The following CDKN2B-AS1 variants were observed in gnomAD, a reference collection of about 807,000 sequenced individuals.
CDKN2B-AS1 encodes the protein CDKN2B and CDKN2A antisense cis and trans regulatory RNA 1.
intron 4 of CDKN2B-AS1, among the ~76,000 whole-genome samples, chr9:22,126,485 G>A (rs1374743332): frequency 2.0e-5 from 3 of 151,718 alleles, no homozygotes; most frequent in African/African-American, 7.3e-5. Flanking sequence ...TTAGTTGAGA[G>A]CAAAGTTTGC....
At chr9:22,097,861 G>A (rs1825338048) in intron 4 of CDKN2B-AS1, among the ~76,000 whole-genome samples, 3 of 152,114 alleles carry the variant, frequency 2.0e-5, no homozygotes, top group African/African-American at 7.2e-5. Flanking sequence ...TTTGACCCTG[G>A]CCTGATATAA....
At chr9:22,050,706 T>C (rs1212368595) in intron 3 of CDKN2B-AS1, among the ~76,000 whole-genome samples, 1 of 152,206 alleles carries the variant, frequency 6.6e-6, no homozygotes, top group Admixed American at 6.5e-5. Flanking sequence ...AATCATTTTC[T>C]AATAACCACC....
chr9:22,068,461 G>A (rs1484083192), intron 4 of CDKN2B-AS1, among the ~76,000 whole-genome samples: 1 of 152,164 alleles, frequency 6.6e-6, no homozygotes, highest in Non-Finnish European at 1.5e-5. Flanking sequence ...AGGGAGTCAG[G>A]CGGAGAAGAA....
chr9:22,025,081 C>A lies in CDKN2B-AS1; in HGVS notation n.30-21670C>A, dbSNP rs191509787. 3.3e-5 allele frequency among the ~76,000 whole-genome samples: 5 copies of A among 152,344 alleles called. No homozygotes were observed. In the East Asian group the frequency reaches 9.7e-4, roughly 29 times the overall value. ...CCCTGTCCATGCACTGCTGTAGACA[C>A]TCCTGCACTAAACCCTCTGGGCTCC... On this transcript the variant is annotated intron_variant and non_coding_transcript_variant, in intron 1 of 4. Coordinates refer to ENST00000650946, the Ensembl canonical transcript of CDKN2B-AS1.
chr9:22,032,710 G>C (rs759159725), intron 1 of CDKN2B-AS1: 1 of 151,444 alleles, frequency 6.6e-6, no homozygotes, highest in African/African-American at 2.4e-5. Flanking sequence ...AATACCACTT[G>C]CTGTCTTGGA....
chr9:22,126,334 T>G (rs926553190), intron 4 of CDKN2B-AS1, among the ~76,000 whole-genome samples: 29 of 152,090 alleles, frequency 1.9e-4, no homozygotes, highest in African/African-American at 7.0e-4. Flanking sequence ...AAATGAGAGG[T>G]CTATCATAGG....
At chr9:22,126,266 T>A (rs1311068082) in intron 4 of CDKN2B-AS1, among the ~76,000 whole-genome samples, 1 of 152,210 alleles carries the variant, frequency 6.6e-6, no homozygotes, top group Admixed American at 6.5e-5. Flanking sequence ...TCCATATTCA[T>A]GATGAATATG....
At chr9:22,118,345 C>G (rs1196141553) in intron 4 of CDKN2B-AS1, 1 of 152,198 alleles carries the variant, frequency 6.6e-6, no homozygotes, top group Non-Finnish European at 1.5e-5. Context: ...CCACTCCACT[C>G]CCTCTCAACA....
At chr9:22,107,615 C>G (rs1474753890) in intron 4 of CDKN2B-AS1, among the ~76,000 whole-genome samples, 1 of 152,158 alleles carries the variant, frequency 6.6e-6, no homozygotes, top group Admixed American at 6.5e-5. Context: ...CATCAGGGGC[C>G]TTGGAGCGGA....
At chr9:22,081,691 C>G (rs1279791339) in intron 4 of CDKN2B-AS1, among the ~76,000 whole-genome samples, 1 of 152,200 alleles carries the variant, frequency 6.6e-6, no homozygotes, top group Admixed American at 6.5e-5. Context: ...GCCTAGGAAG[C>G]TTGTCTATTA....
chr9:22,005,938 AAATTGGGT>A lies in CDKN2B-AS1; in HGVS notation n.29+10780_29+10787del. On this transcript the variant is annotated intron_variant and non_coding_transcript_variant, in intron 1 of 4. Coordinates refer to ENST00000650946, the Ensembl canonical transcript of CDKN2B-AS1. This position sits in a 1 kb window ranked among gnomAD's most constrained non-coding sequence, Gnocchi z 4.9. ...ATCGAATTAGGTGGGTGGGGGTGGGAAATTGGGTAAGAAAATAAAGTCGTTGTGGGCGG... is the reference window on the plus strand; with the variant it reads ...ATCGAATTAGGTGGGTGGGGGTGGGAAAGAAAATAAAGTCGTTGTGGGCGG... 1 of 1,593,642 alleles carries A rather than the reference AAATTGGGT, an allele frequency of 6.3e-7. No individual in the cohort carries two copies. Among genetic ancestry groups the A allele is most frequent in the Non-Finnish European group, 8.5e-7 (1 of 1,177,826 alleles).
At chr9:22,122,852 T>C (rs553350813) in intron 4 of CDKN2B-AS1, among the ~76,000 whole-genome samples, 1 of 152,348 alleles carries the variant, frequency 6.6e-6, no homozygotes, top group South Asian at 2.1e-4. Context: ...TTTGTTCTTT[T>C]TGCTTAGGAT....
intron 1 of CDKN2B-AS1, among the ~76,000 whole-genome samples, chr9:22,034,714 TG>T (rs1218131874): frequency 6.6e-6 from 1 of 152,136 alleles, no homozygotes; most frequent in Non-Finnish European, 1.5e-5. Context: ...GATAGTAGCT[TG>T]TTTCGCTTTT....
rs775688678 is a variant in CDKN2B-AS1 at position 22,006,282 on chromosome 9, G to C, written n.29+11121G>C. On this transcript the variant is annotated intron_variant and non_coding_transcript_variant, in intron 1 of 4. Transcript: ENST00000650946. The surrounding 1 kb of genome is among the most constrained non-coding windows in gnomAD (Gnocchi z 6.4). ...AGAGCAGAGTGGTCAGAGCCAGGGT[G>C]GGGGCAGGTATGGGAGATGCCGGCC... 4 of 1,599,900 alleles carry C rather than the reference G, an allele frequency of 2.5e-6. No homozygotes were observed. The highest frequency in any genetic ancestry group is 1.1e-5 in the South Asian group (1 of 91,030).
intron 1 of CDKN2B-AS1, among the ~76,000 whole-genome samples, chr9:22,042,183 C>T (rs750092091): frequency 3.9e-5 from 6 of 152,034 alleles, no homozygotes; most frequent in Non-Finnish European, 7.4e-5. Flanking sequence ...AGTTCTCTTT[C>T]CTATTTTCTT....
At chr9:22,015,855 G>C (rs1303615077) in intron 1 of CDKN2B-AS1, among the ~76,000 whole-genome samples, 2 of 152,164 alleles carry the variant, frequency 1.3e-5, no homozygotes, top group African/African-American at 4.8e-5. Flanking sequence ...GTGATGATGA[G>C]CATTTTTTCA....
chr9:22,030,520 C>T (rs560044368), intron 1 of CDKN2B-AS1: 2 of 151,954 alleles, frequency 1.3e-5, no homozygotes. Flanking sequence ...TACAGTGACA[C>T]AATGTAAAAT....
chr9:22,074,879 C>T (rs1824435409), intron 4 of CDKN2B-AS1, among the ~76,000 whole-genome samples: 1 of 152,212 alleles, frequency 6.6e-6, no homozygotes, highest in Non-Finnish European at 1.5e-5. Context: ...ACACTTTAGA[C>T]TTCCAACTGG....
chr9:22,070,894 C>T (rs1023794586), intron 4 of CDKN2B-AS1, among the ~76,000 whole-genome samples: 7 of 151,884 alleles, frequency 4.6e-5, no homozygotes, highest in Admixed American at 3.3e-4. Flanking sequence ...TTTGCCTGAC[C>T]CAGAGGATTT....
Sources: gnomAD v4.1 joint callset for allele counts (sites outside exome capture counted in the v4.1 genomes callset) on GRCh38, gnomAD v4.1.1 for gene constraint, Gnocchi (gnomAD v3.1) non-coding constraint, MANE v1.5 for transcripts, NCBI Gene and HGNC (gene_info 2026-07-23, HGNC 2026-07-21) for gene names.